Variants in FAM13A observed in about 807,000 individuals in gnomAD.
The protein encoded by FAM13A is protein FAM13A.
A neutral mutation model predicts 129.6 loss-of-function variants in FAM13A; 76 were observed. That is an observed-to-expected ratio of 0.59 (90% confidence interval 0.49 to 0.71). FAM13A has a LOEUF of 0.71. Among genes scored for constraint, FAM13A ranks in the 30% least tolerant of loss-of-function variants. The probability of loss-of-function intolerance (pLI) is 0.00; values close to 1 mark genes in which losing one functional copy is unlikely to be tolerated. For missense variants in FAM13A, 1,108 were observed against 1,249.3 expected (o/e 0.89, Z 1.70); for synonymous variants, 443 against 449.9 (o/e 0.98, Z 0.20).
At chr4:88,981,609 T>C in intron 4 of FAM13A, among the ~76,000 whole-genome samples, 1 of 151,962 alleles carries the variant, frequency 6.6e-6, no homozygotes. Flanking sequence ...AACAAGGCAA[T>C]GATGAGGATG....
intron 5 of FAM13A, among the ~76,000 whole-genome samples, chr4:88,909,457 T>C (rs369110987): frequency 5.3e-5 from 8 of 152,034 alleles, no homozygotes; most frequent in African/African-American, 1.9e-4. Flanking sequence ...GAATGTGGAG[T>C]GACTGCTAAT....
chr4:88,926,293 G>T (rs1192217630), intron 5 of FAM13A, among the ~76,000 whole-genome samples: 4 of 152,244 alleles, frequency 2.6e-5, no homozygotes, highest in Admixed American at 1.3e-4. Flanking sequence ...CTTTCATCCT[G>T]AGGAGATCAA....
At chr4:88,954,070 AAATT>A (rs983578529) in intron 4 of FAM13A, among the ~76,000 whole-genome samples, 1 of 152,240 alleles carries the variant, frequency 6.6e-6, no homozygotes, top group Non-Finnish European at 1.5e-5. Flanking sequence ...GAAAAAAAAT[AAATT>A]GTTAGACTCC....
intron 6 of FAM13A, among the ~76,000 whole-genome samples, chr4:88,863,115 C>A (rs1739781859): frequency 6.6e-6 from 1 of 151,908 alleles, no homozygotes; most frequent in Non-Finnish European, 1.5e-5. Flanking sequence ...TGATTTGAGG[C>A]TGAAAACTGC....
At chr4:88,809,268 C>T (rs1259865189) in intron 7 of FAM13A, among the ~76,000 whole-genome samples, 3 of 152,146 alleles carry the variant, frequency 2.0e-5, no homozygotes, top group Non-Finnish European at 4.4e-5. Context: ...ACCACCATTC[C>T]ATTCCATTCC....
intron 7 of FAM13A, among the ~76,000 whole-genome samples, chr4:88,809,668 T>C (rs1406654902): frequency 6.6e-6 from 1 of 152,032 alleles, no homozygotes; most frequent in Non-Finnish European, 1.5e-5. Flanking sequence ...TAAGTGAAGT[T>C]AGCACATTTT....
intron 1 of FAM13A, among the ~76,000 whole-genome samples, chr4:89,051,005 C>A (rs1013899976): frequency 1.3e-5 from 2 of 152,012 alleles, no homozygotes; most frequent in Non-Finnish European, 2.9e-5. Flanking sequence ...GTTGTACTAC[C>A]TAAGAAAATT....
chr4:88,814,744 AT>A (rs915731532), intron 7 of FAM13A, among the ~76,000 whole-genome samples: 30 of 151,990 alleles, frequency 2.0e-4, no homozygotes, highest in African/African-American at 6.5e-4. Flanking sequence ...TAAACGCTTA[AT>A]TTTTTTCTCT....
intron 3 of FAM13A, among the ~76,000 whole-genome samples, chr4:89,000,378 G>C (rs1764097651): frequency 6.6e-6 from 1 of 152,154 alleles, no homozygotes; most frequent in South Asian, 2.1e-4. Flanking sequence ...TGACACCACA[G>C]ATAAAGCTTG....
intron 6 of FAM13A, among the ~76,000 whole-genome samples, chr4:88,900,458 A>G (rs1370741611): frequency 1.3e-5 from 2 of 152,132 alleles, no homozygotes; most frequent in African/African-American, 4.8e-5. Context: ...CTCAGTGGAA[A>G]CTCTACAAGC....
intron 3 of FAM13A, among the ~76,000 whole-genome samples, chr4:89,019,404 T>C (rs1766942576): frequency 6.6e-6 from 1 of 152,176 alleles, no homozygotes; most frequent in African/African-American, 2.4e-5. Context: ...GTAAACCATT[T>C]TTCTTACAGC....
At chr4:88,746,407 A>G (rs982383637) in intron 19 of FAM13A, among the ~76,000 whole-genome samples, 1 of 152,216 alleles carries the variant, frequency 6.6e-6, no homozygotes, top group African/African-American at 2.4e-5. Flanking sequence ...AGGCAAAGCC[A>G]TATTTTGGAT....
At chr4:88,837,390 ATTTC>A (rs1284922765) in intron 7 of FAM13A, among the ~76,000 whole-genome samples, 1 of 151,984 alleles carries the variant, frequency 6.6e-6, no homozygotes, top group African/African-American at 2.4e-5. Flanking sequence ...TATAAATGAA[ATTTC>A]TTTGTGTTCT....
intron 6 of FAM13A, among the ~76,000 whole-genome samples, chr4:88,879,737 G>T (rs1360181411): frequency 6.6e-6 from 1 of 152,130 alleles, no homozygotes; most frequent in Non-Finnish European, 1.5e-5. Flanking sequence ...CTTTTCCTTG[G>T]GTACAATAAC....
rs368624667 is a variant in FAM13A at position 88,750,550 on chromosome 4, C to T, written c.1814G>A (p.Arg605His). 2.7e-5 allele frequency: 43 copies of T among 1,614,036 alleles called. No individual in the cohort carries two copies. The highest frequency in any genetic ancestry group is 6.7e-5 in the African/African-American group (5 of 74,922). ...HLSPQAGRLI[R>H]QLLDEDSDPM... ...GTCGCTGTCTTCGTCCAGCAGCTGACGGATCAGGCGCCCAGCCTGCGGCGA... is the reference window on the plus strand; with the variant it reads ...GTCGCTGTCTTCGTCCAGCAGCTGATGGATCAGGCGCCCAGCCTGCGGCGA... The change falls in exon 15 of 24, where the codon CGT becomes CAT. Residue 605 changes from arginine (R) to histidine (H), a missense_variant. This residue lies in a region of FAM13A where 529 missense variants were observed against 621.2 expected (regional missense o/e 0.85). Transcript: ENST00000264344.
intron 6 of FAM13A, among the ~76,000 whole-genome samples, chr4:88,872,399 G>A (rs907600092): frequency 3.3e-5 from 5 of 152,104 alleles, no homozygotes; most frequent in South Asian, 2.1e-4. Context: ...CCCATCTCAC[G>A]TGCAGAGACA....
chr4:88,908,219 G>T (rs191414485), intron 5 of FAM13A, among the ~76,000 whole-genome samples: 19 of 152,344 alleles, frequency 1.2e-4, no homozygotes, highest in African/African-American at 3.6e-4. Flanking sequence ...TCTGGAAATA[G>T]TGAATGAACC....
intron 5 of FAM13A, among the ~76,000 whole-genome samples, chr4:88,925,574 A>AGGAG (rs1751980684): frequency 8.7e-6 from 1 of 114,330 alleles, no homozygotes; most frequent in Admixed American, 9.7e-5. Flanking sequence ...GGGAGGGGGG[A>AGGAG]GGTATATCTC....
chr4:88,866,412 C>T (rs1009168922), intron 6 of FAM13A, among the ~76,000 whole-genome samples: 1 of 152,120 alleles, frequency 6.6e-6, no homozygotes, highest in African/African-American at 2.4e-5. Flanking sequence ...GAACTCCTGA[C>T]CTCAAGTTCA....
Sources: gnomAD v4.1 joint callset for allele counts (sites outside exome capture counted in the v4.1 genomes callset) on GRCh38, gnomAD v4.1.1 for gene constraint, gnomAD v4.1.1 regional missense constraint, MANE v1.5 for transcripts, NCBI Gene and HGNC (gene_info 2026-07-23, HGNC 2026-07-21) for gene names.